Variants in CD82 observed in about 807,000 individuals in gnomAD.
CD82 encodes the protein CD82 antigen.
Under a neutral mutation model 37.4 loss-of-function variants are expected in CD82, and 36 were observed. The ratio of observed to expected loss-of-function variants is 0.96; its 90% CI spans 0.74 to 1.27. The LOEUF (loss-of-function observed/expected upper bound fraction) is 1.27, where lower values mean the gene tolerates loss of function less well. CD82 is among the 50% of genes most tolerant of loss of function. The probability of loss-of-function intolerance (pLI) is 0.00; values close to 1 mark genes in which losing one functional copy is unlikely to be tolerated. For synonymous variants in CD82, 158 were observed against 137.4 expected, an observed-to-expected ratio of 1.15 and a Z score of -1.05; for missense variants, 340 against 347.0, an observed-to-expected ratio of 0.98 and a Z score of 0.16.
chr11:44,583,684 CT>C (rs1325083920), intron 1 of CD82, among the ~76,000 whole-genome samples: 3 of 152,200 alleles, frequency 2.0e-5, no homozygotes, highest in Non-Finnish European at 4.4e-5. Flanking sequence ...CTTGTGTGGC[CT>C]TAGGCAAGTC....
Position 44,583,554 on chromosome 11 carries a change from G to A in CD82, c.-102-3921G>A, listed in dbSNP as rs543879085. Reference sequence around the variant, plus strand: ...AGGGGATCAGGCAGCAGGCGGCAGAGGTGTGGAAGGGTGGGACGGTGGGCT... The same window carrying A: ...AGGGGATCAGGCAGCAGGCGGCAGAAGTGTGGAAGGGTGGGACGGTGGGCT... On this transcript the variant is annotated intron_variant, in intron 1 of 9. Coordinates refer to ENST00000227155, the MANE Select transcript of CD82 (RefSeq NM_002231.4). Among the ~76,000 whole-genome samples, 166 of 152,296 alleles carry A rather than the reference G, an allele frequency of 1.1e-3. 1 individual carries two copies. The highest frequency in any genetic ancestry group is 3.8e-3 in the African/African-American group (157 of 41,566).
rs1032475353 is a variant in CD82 at position 44,619,809 on chromosome 11, A to G, written c.*683A>G. On this transcript the variant is annotated 3_prime_UTR_variant, in exon 10 of 10. Coordinates refer to ENST00000227155, the MANE Select transcript of CD82 (RefSeq NM_002231.4). ...AAAAAATTGGGGAGGGAAGGGCGTT[A>G]GATAAGGCACTCTGGGCTGTCAGGA... 7 of 149,604 alleles carry G rather than the reference A, an allele frequency of 4.7e-5. No homozygotes were observed. The highest frequency in any genetic ancestry group is 1.7e-4 in the African/African-American group (7 of 40,682). 9.3% of individuals were successfully genotyped at this position (149,604 alleles called of 1,614,324 possible). A position where few individuals can be genotyped will look rare whatever the true frequency, so the allele number is the denominator to read the frequency against.
At chr11:44,578,505 T>C (rs1235142722) in intron 1 of CD82, among the ~76,000 whole-genome samples, 2 of 152,258 alleles carry the variant, frequency 1.3e-5, no homozygotes, top group East Asian at 3.9e-4. Flanking sequence ...GCCCAGGGCC[T>C]TCTCACGGCA....
intron 1 of CD82, among the ~76,000 whole-genome samples, chr11:44,584,668 AT>A (rs201167987): frequency 0.068 from 10,071 of 147,756 alleles, 407 homozygotes; most frequent in Middle Eastern, 0.15. Flanking sequence ...AGTAGCAGCT[AT>A]TTTTTTTTTT....
chr11:44,572,074 A>G (rs1377254281), intron 1 of CD82, among the ~76,000 whole-genome samples: 1 of 152,174 alleles, frequency 6.6e-6, no homozygotes, highest in Non-Finnish European at 1.5e-5. Context: ...ATGTGATGCC[A>G]CAGTGGACGG....
intron 2 of CD82, among the ~76,000 whole-genome samples, chr11:44,590,195 G>A (rs1479785316): frequency 7.1e-6 from 1 of 141,362 alleles, no homozygotes; most frequent in African/African-American, 2.7e-5. Flanking sequence ...CCAGGGGCCA[G>A]CAGGCTTTTT....
chr11:44,579,290 T>C (rs36121204), intron 1 of CD82, among the ~76,000 whole-genome samples: 6,363 of 151,198 alleles, frequency 0.042, 159 homozygotes, highest in Middle Eastern at 0.075. Context: ...CCTTCGGAGG[T>C]CACAGGGGAG....
intron 1 of CD82, among the ~76,000 whole-genome samples, chr11:44,575,308 ATGGG>A (rs1444175457): frequency 2.0e-5 from 3 of 152,208 alleles, no homozygotes; most frequent in Non-Finnish European, 4.4e-5. Context: ...TTAACTAATC[ATGGG>A]CTCTCTTTAC....
intron 7 of CD82, among the ~76,000 whole-genome samples, chr11:44,615,966 A>G (rs1387620090): frequency 6.6e-6 from 1 of 152,226 alleles, no homozygotes; most frequent in Non-Finnish European, 1.5e-5. Context: ...ACCAACAGAT[A>G]GACTGACCAG....
intron 7 of CD82, 91 bp from the exon 8 acceptor site, chr11:44,618,071 C>G (rs2134697650): frequency 9.0e-7 from 1 of 1,109,176 alleles, no homozygotes. Flanking sequence ...ATATCTCAGT[C>G]TCTGTCCTGG....
intron 1 of CD82, among the ~76,000 whole-genome samples, chr11:44,586,706 C>T (rs190656801): frequency 7.2e-5 from 11 of 152,186 alleles, no homozygotes; most frequent in Non-Finnish European, 1.5e-4. Flanking sequence ...GAGGAAGCAA[C>T]CCATCTCTAC....
chr11:44,585,651 C>G (rs986706763), intron 1 of CD82, among the ~76,000 whole-genome samples: 1 of 152,186 alleles, frequency 6.6e-6, no homozygotes, highest in African/African-American at 2.4e-5. Flanking sequence ...CCCGGCAGAG[C>G]CAGGGGTGGG....
At chr11:44,613,219 C>T (rs1383254909) in intron 6 of CD82, among the ~76,000 whole-genome samples, 1 of 152,192 alleles carries the variant, frequency 6.6e-6, no homozygotes, top group East Asian at 1.9e-4. Context: ...ACTGCCTTGA[C>T]CAGTCCAACC....
intron 1 of CD82, among the ~76,000 whole-genome samples, chr11:44,582,828 G>A (rs1013974408): frequency 6.6e-6 from 1 of 152,186 alleles, no homozygotes; most frequent in Non-Finnish European, 1.5e-5. Flanking sequence ...TGAGAACAGA[G>A]CCCTAGGCTA....
chr11:44,615,109 T>C (rs1488630903), intron 6 of CD82, among the ~76,000 whole-genome samples, 163 bp from the exon 7 acceptor site: 1 of 152,166 alleles, frequency 6.6e-6, no homozygotes, highest in Non-Finnish European at 1.5e-5. Flanking sequence ...TGGTTGGCAC[T>C]GCCTGCATCG....
Position 44,619,052 on chromosome 11 carries a change from C to T in CD82, c.730C>T (p.Leu244=), listed in dbSNP as rs1466531195. 1 of 1,613,632 alleles carries T rather than the reference C, an allele frequency of 6.2e-7. No homozygotes were observed. The highest frequency in any genetic ancestry group is 1.7e-5 in the Admixed American group (1 of 60,020). The part of the protein sequence containing the change: ...VGVGVAIIEL[L]GMVLSICLCR... ...GACTCTCCGCCTCTCCCCACAGCTC[C>T]TGGGGATGGTCCTGTCCATCTGCTT... The change falls in exon 10 of 10, where the codon CTG becomes TTG. Residue 244 remains leucine, a synonymous_variant. Coordinates refer to ENST00000227155, the MANE Select transcript of CD82 (RefSeq NM_002231.4).
chr11:44,617,324 C>T lies in CD82; in HGVS notation c.439-838C>T, dbSNP rs541051020. Among the ~76,000 whole-genome samples the T allele has an allele frequency of 4.6e-5, 7 of 152,186 alleles. No individual in the cohort carries two copies. The South Asian group carries it at 8.3e-4, about 18-fold the overall frequency. On this transcript the variant is annotated intron_variant, in intron 7 of 9. Transcript: ENST00000227155. ...CTGTAATCCCAGCACTTTGGGAGGC[C>T]GAGGCGGGCGGATCACTTGAGGTCA...
In CD82 at chr11:44,582,097, A is replaced by G. The variant is rs746062376; in HGVS notation, c.-102-5378A>G. On this transcript the variant is annotated intron_variant, in intron 1 of 9. Transcript: ENST00000227155. ...AGGATATTGAACTCCAAAGTCAGAG[A>G]GTCTTGAGGGCAGAGCTCAGCTGCA... Among the ~76,000 whole-genome samples the G allele has an allele frequency of 1.1e-4, 17 of 152,160 alleles. 1 individual carries two copies. The highest frequency in any genetic ancestry group is 2.4e-4 in the Non-Finnish European group (16 of 68,032).
chr11:44,578,952 T>A (rs1471900513), intron 1 of CD82, among the ~76,000 whole-genome samples: 1 of 152,086 alleles, frequency 6.6e-6, no homozygotes, highest in African/African-American at 2.4e-5. Context: ...TGGAGGGGAT[T>A]GGATGGGGCT....
Sources: gnomAD v4.1 joint callset for allele counts (sites outside exome capture counted in the v4.1 genomes callset) on GRCh38, gnomAD v4.1.1 for gene constraint, MANE v1.5 for transcripts, NCBI Gene and HGNC (gene_info 2026-07-23, HGNC 2026-07-21) for gene names.